VOPP1: variants seen among roughly 807,000 people sequenced by gnomAD.
VOPP1 encodes WW domain binding protein VOPP1.
A neutral mutation model predicts 23.5 loss-of-function variants in VOPP1; 8 were observed. The observed-to-expected ratio is 0.34, with a 90% confidence interval of 0.20 to 0.61. The LOEUF is 0.61. VOPP1 is among the 20% of genes least tolerant of loss of function. VOPP1 has a pLI of 0.78. For missense variants in VOPP1, 174 were observed against 238.1 expected, an observed-to-expected ratio of 0.73 and a Z score of 1.77; for synonymous variants, 83 against 97.3, an observed-to-expected ratio of 0.85 and a Z score of 0.86.
downstream of VOPP1, among the ~76,000 whole-genome samples, chr7:55,435,054 C>A (rs1037070370): frequency 2.0e-5 from 3 of 152,180 alleles, no homozygotes; most frequent in African/African-American, 7.2e-5. Context: ...CTTTACAAAC[C>A]ATCTCCACTC....
At chr7:55,557,581 T>C (rs1797852554) in intron 1 of VOPP1, among the ~76,000 whole-genome samples, 1 of 152,038 alleles carries the variant, frequency 6.6e-6, no homozygotes, top group African/African-American at 2.4e-5. Context: ...TCAGGACCCA[T>C]CTAACACCAA....
At chr7:55,523,879 C>T (rs1037360399) in intron 1 of VOPP1, among the ~76,000 whole-genome samples, 1 of 152,224 alleles carries the variant, frequency 6.6e-6, no homozygotes, top group Non-Finnish European at 1.5e-5. Context: ...CAAAATTCTT[C>T]TGAGTATATC....
At chr7:55,466,054 G>C (rs900138326), downstream of VOPP1, among the ~76,000 whole-genome samples, 1 of 152,212 alleles carries the variant, frequency 6.6e-6, no homozygotes, top group South Asian at 2.1e-4. Flanking sequence ...TGGCCCCAGA[G>C]AGAGAACCCC....
intron 4 of VOPP1, among the ~76,000 whole-genome samples, chr7:55,488,869 CA>C (rs1424683383): frequency 3.3e-5 from 5 of 152,266 alleles, no homozygotes; most frequent in African/African-American, 1.2e-4. Context: ...ACTGCCCGGA[CA>C]GCCTCAGGCA....
At chr7:55,536,067 C>T (rs1318400296) in intron 1 of VOPP1, among the ~76,000 whole-genome samples, 3 of 152,338 alleles carry the variant, frequency 2.0e-5, no homozygotes, top group Middle Eastern at 3.4e-3. Flanking sequence ...GCCTCGGCCA[C>T]CCTGTTGGCC....
chr7:55,521,186 A>C, intron 1 of VOPP1, 56 bp from the exon 2 acceptor site: 1 of 1,507,628 alleles, frequency 6.6e-7, no homozygotes, highest in Admixed American at 2.0e-5. Flanking sequence ...CATGTTGTTG[A>C]GAAGCTCTCA....
intron 4 of VOPP1, among the ~76,000 whole-genome samples, chr7:55,455,301 TA>T (rs1237418759): frequency 6.6e-6 from 1 of 152,016 alleles, no homozygotes; most frequent in East Asian, 1.9e-4. Context: ...CTCAAGGAAA[TA>T]AGAGAGGACA....
At chr7:55,448,995 A>G (rs1440345783) in intron 4 of VOPP1, among the ~76,000 whole-genome samples, 2 of 152,190 alleles carry the variant, frequency 1.3e-5, no homozygotes, top group African/African-American at 4.8e-5. Context: ...TACCATGAAA[A>G]ATATTGGAGT....
At position 55,472,915 on chromosome 7, in the gene VOPP1, G is replaced by A. The variant is rs773128985; in HGVS notation, c.459C>T (p.Pro153=). 6.5e-7 allele frequency: 1 copy of A among 1,535,602 alleles called. No homozygotes were observed. The highest frequency in any genetic ancestry group is 2.3e-5 in the Admixed American group (1 of 43,052). The change falls in exon 5 of 5, where the codon CCC becomes CCT. Residue 153 remains proline, a synonymous_variant. Coordinates refer to ENST00000285279, the MANE Select transcript of VOPP1 (RefSeq NM_030796.5). The part of the protein sequence containing the change: ...NSPQGSVACP[P]PPAYCNTPPP... ...GAGGCGTGTTGCAGTAGGCTGGAGG[G>A]GGCGGGCAGGCCACACTCCCCTGGG...
At chr7:55,569,757 TG>T (rs1798286612) in intron 1 of VOPP1, among the ~76,000 whole-genome samples, 1 of 152,110 alleles carries the variant, frequency 6.6e-6, no homozygotes, top group Non-Finnish European at 1.5e-5. Context: ...AAAGGGATGG[TG>T]AGGCAGGGGA....
At chr7:55,512,769 C>A (rs1461739455) in intron 2 of VOPP1, among the ~76,000 whole-genome samples, 6 of 152,196 alleles carry the variant, frequency 3.9e-5, no homozygotes, top group African/African-American at 1.4e-4. Context: ...GAGAGCTCAG[C>A]GAAGGAGTCC....
intron 1 of VOPP1, among the ~76,000 whole-genome samples, chr7:55,554,669 A>G (rs572026732): frequency 3.9e-5 from 6 of 152,274 alleles, no homozygotes; most frequent in Admixed American, 3.9e-4. Context: ...CAATGGGCGG[A>G]GCTTTGGGGA....
At chr7:55,488,897 GACC>G (rs1376389065) in intron 4 of VOPP1, among the ~76,000 whole-genome samples, 1 of 152,216 alleles carries the variant, frequency 6.6e-6, no homozygotes, top group Non-Finnish European at 1.5e-5. Flanking sequence ...TTACCCTGTG[GACC>G]ACATGGGACA....
At chr7:55,521,611 TCGTTGCC>T in intron 1 of VOPP1, 1 of 987,750 alleles carries the variant, frequency 1.0e-6, no homozygotes, top group East Asian at 1.1e-4. Context: ...CACGGTTCAC[TCGTTGCC>T]CTCTCACGTG....
intron 1 of VOPP1, among the ~76,000 whole-genome samples, chr7:55,565,701 A>G (rs928057436): frequency 3.9e-5 from 6 of 152,216 alleles, no homozygotes; most frequent in Non-Finnish European, 8.8e-5. Context: ...TGTTAAAAAG[A>G]TTTCGGTCTC....
chr7:55,556,842 A>G (rs1797826707), intron 1 of VOPP1, among the ~76,000 whole-genome samples: 2 of 152,208 alleles, frequency 1.3e-5, no homozygotes, highest in African/African-American at 4.8e-5. Context: ...CTCCCCCTTC[A>G]TTGCCCTGCT....
downstream of VOPP1, among the ~76,000 whole-genome samples, chr7:55,468,283 A>AG (rs1562888678): frequency 6.6e-6 from 1 of 150,738 alleles, no homozygotes; most frequent in African/African-American, 2.4e-5. Context: ...AAAAAAAAAA[A>AG]AAAAAGAAAA....
chr7:55,492,234 A>AGAC (rs1318803734), intron 4 of VOPP1, 48 bp downstream of exon 4: 1 of 1,564,178 alleles, frequency 6.4e-7, no homozygotes, highest in Admixed American at 1.8e-5. Flanking sequence ...AAATGTTGGC[A>AGAC]GACGACACAC....
At chr7:55,556,087 A>G (rs1363139184) in intron 1 of VOPP1, among the ~76,000 whole-genome samples, 1 of 152,232 alleles carries the variant, frequency 6.6e-6, no homozygotes, top group Non-Finnish European at 1.5e-5. Flanking sequence ...CACTCAATGT[A>G]TGAAACAGAA....
Sources: gnomAD v4.1 joint callset for allele counts (sites outside exome capture counted in the v4.1 genomes callset) on GRCh38, gnomAD v4.1.1 for gene constraint, MANE v1.5 for transcripts, NCBI Gene and HGNC (gene_info 2026-07-23, HGNC 2026-07-21) for gene names.